Variants in MYOF observed in about 807,000 individuals in gnomAD.
MYOF encodes fer-1-like 3, myoferlin.
Under a neutral mutation model 284.2 loss-of-function variants are expected in MYOF, and 244 were observed. The observed-to-expected ratio is 0.86, with a 90% CI of 0.77 to 0.95. MYOF has a LOEUF of 0.95. Ranked by LOEUF, MYOF falls within the 40% of genes least tolerant of loss-of-function variation. The probability of loss-of-function intolerance (pLI) is 0.00; values close to 1 mark genes in which losing one functional copy is unlikely to be tolerated. For synonymous variants in MYOF, 904 were observed against 919.7 expected (o/e 0.98, Z 0.31); for missense variants, 2,496 against 2,560.6 (o/e 0.97, Z 0.54).
At chr10:93,344,514 A>T (rs753860466) in intron 37 of MYOF, among the ~76,000 whole-genome samples, 7 of 152,168 alleles carry the variant, frequency 4.6e-5, no homozygotes, top group African/African-American at 1.4e-4. Context: ...CCTACATCTA[A>T]AGGAGTCTTC....
intron 50 of MYOF, among the ~76,000 whole-genome samples, chr10:93,313,777 C>T (rs774942407): frequency 1.1e-4 from 17 of 152,042 alleles, no homozygotes; most frequent in Non-Finnish European, 1.8e-4. Flanking sequence ...GGCACACATC[C>T]GTAATCCCAG....
intron 40 of MYOF, 142 bp downstream of exon 40, chr10:93,337,673 G>A: frequency 1.6e-6 from 1 of 635,270 alleles, no homozygotes. Context: ...ATGCAAGAGG[G>A]CTCTCCGGGA....
intron 4 of MYOF, among the ~76,000 whole-genome samples, chr10:93,428,564 TAAACACACAC>T (rs1461006400): frequency 2.4e-5 from 2 of 82,266 alleles, no homozygotes; most frequent in East Asian, 2.7e-4. Context: ...CTACATCTGG[TAAACACACAC>T]ACACACACAC....
chr10:93,361,532 C>T lies in MYOF; in HGVS notation c.2894G>A (p.Ser965Asn), dbSNP rs1002138375. The T allele has an allele frequency of 5.0e-6, 8 of 1,614,076 alleles. No homozygotes were observed. The African/African-American group carries it at 8.0e-5, about 16-fold the overall frequency. The change falls in exon 28 of 54, where the codon AGC (serine) becomes AAC (asparagine). Residue 965 changes from serine to asparagine, a missense_variant. Ser to Asn is a conservative substitution (Grantham distance 46). Around this residue, in one of 3 missense-constraint regions of MYOF, gnomAD observed 2,436 missense variants for 2,480.7 expected, o/e 0.98. Coordinates refer to ENST00000359263, the MANE Select transcript of MYOF (RefSeq NM_013451.4). ...DANGDKAASP[S>N]ELTCPPGWEW... ...CCAACCTGGAGGACAAGTCAACTCGCTGGGTGATGCTGCTTTATCGCCGTT... is the reference window on the plus strand; with the variant it reads ...CCAACCTGGAGGACAAGTCAACTCGTTGGGTGATGCTGCTTTATCGCCGTT...
intron 37 of MYOF, among the ~76,000 whole-genome samples, chr10:93,346,692 T>A (rs186760446): frequency 6.6e-6 from 1 of 152,326 alleles, no homozygotes; most frequent in Admixed American, 6.5e-5. Context: ...AATCTCCTCC[T>A]CTCTCAGTGT....
intron 26 of MYOF, among the ~76,000 whole-genome samples, chr10:93,364,342 G>C (rs1273947603): frequency 6.6e-6 from 1 of 152,212 alleles, no homozygotes; most frequent in African/African-American, 2.4e-5. Context: ...ATGAGGATGG[G>C]GTCTGGGAAA....
chr10:93,369,980 T>C (rs1845511087), intron 24 of MYOF, among the ~76,000 whole-genome samples: 5 of 152,240 alleles, frequency 3.3e-5, no homozygotes, highest in Admixed American at 2.0e-4. Context: ...GTGTGATCCA[T>C]AGATTCCTGC....
chr10:93,444,610 G>T (rs144674551), intron 3 of MYOF, among the ~76,000 whole-genome samples: 3 of 152,338 alleles, frequency 2.0e-5, no homozygotes, highest in African/African-American at 4.8e-5. Flanking sequence ...CTCTAGGCTG[G>T]ATGATCAGAC....
intron 26 of MYOF, 82 bp from the exon 27 acceptor site, chr10:93,364,157 C>A: frequency 8.5e-7 from 1 of 1,178,304 alleles, no homozygotes; most frequent in Non-Finnish European, 1.3e-6. Context: ...CAGGAAGCAT[C>A]TACACCCTGG....
At chr10:93,361,231 A>C (rs1265631721) in intron 28 of MYOF, among the ~76,000 whole-genome samples, 1 of 152,180 alleles carries the variant, frequency 6.6e-6, no homozygotes, top group African/African-American at 2.4e-5. Flanking sequence ...ATCTGACAGG[A>C]GGCAGAGCTC....
At chr10:93,430,619 T>C (rs936635602) in intron 4 of MYOF, among the ~76,000 whole-genome samples, 3 of 151,770 alleles carry the variant, frequency 2.0e-5, no homozygotes, top group African/African-American at 7.3e-5. Context: ...TATTACAGTC[T>C]TCATATTCCA....
chr10:93,391,899 C>A (rs1488534110), intron 17 of MYOF, among the ~76,000 whole-genome samples: 2 of 152,128 alleles, frequency 1.3e-5, no homozygotes, highest in African/African-American at 4.8e-5. Context: ...TTCTAGAATC[C>A]TACATAGCTG....
intron 21 of MYOF, among the ~76,000 whole-genome samples, chr10:93,379,180 T>C (rs368366023): frequency 6.6e-6 from 1 of 152,272 alleles, no homozygotes; most frequent in South Asian, 2.1e-4. Flanking sequence ...GAAGTTCCTC[T>C]AGTCTGCAGC....
At chr10:93,341,936 T>C in intron 38 of MYOF, 1 of 1,289,804 alleles carries the variant, frequency 7.8e-7, no homozygotes, top group Non-Finnish European at 1.0e-6. Context: ...GGAGAAGCCA[T>C]TTTGCTGAGT....
chr10:93,342,483 C>T (rs1411054829), intron 38 of MYOF, among the ~76,000 whole-genome samples: 3 of 152,164 alleles, frequency 2.0e-5, no homozygotes, highest in African/African-American at 7.2e-5. Context: ...AAGCAATTTA[C>T]AATACAGTGG....
intron 36 of MYOF, among the ~76,000 whole-genome samples, chr10:93,348,455 G>A (rs1182372485): frequency 6.6e-6 from 1 of 152,306 alleles, no homozygotes; most frequent in East Asian, 1.9e-4. Flanking sequence ...TTGGTATGTG[G>A]TTCAGGTGAA....
chr10:93,323,240 T>G (rs753419849), intron 47 of MYOF, 30 bp downstream of exon 47: 1 of 1,613,726 alleles, frequency 6.2e-7, no homozygotes, highest in Non-Finnish European at 8.5e-7. Context: ...GCCCAGTGTA[T>G]GTATCAGGGT....
At chr10:93,416,900 G>A (rs1848151419) in intron 5 of MYOF, among the ~76,000 whole-genome samples, 1 of 152,158 alleles carries the variant, frequency 6.6e-6, no homozygotes, top group Non-Finnish European at 1.5e-5. Context: ...ACCCGGCCAT[G>A]ACCAGGCCAT....
intron 48 of MYOF, among the ~76,000 whole-genome samples, chr10:93,322,404 C>T (rs1366341388): frequency 6.6e-6 from 1 of 152,156 alleles, no homozygotes; most frequent in Non-Finnish European, 1.5e-5. Context: ...AGATGAGGAA[C>T]AGCGAGCTAA....
Sources: allele counts gnomAD v4.1 joint callset (sites outside exome capture counted in the v4.1 genomes callset), GRCh38; gene constraint gnomAD v4.1.1; regional missense constraint gnomAD v4.1.1; transcripts MANE v1.5; gene names NCBI Gene and HGNC (gene_info 2026-07-23, HGNC 2026-07-21).